UBR2: variants seen among roughly 807,000 people sequenced by gnomAD.
UBR2 encodes ubiquitin protein ligase E3 component n-recognin 2, also known as E3 ubiquitin-protein ligase UBR2.
Under a neutral mutation model 247.9 loss-of-function variants are expected in UBR2, and 92 were observed. The ratio of observed to expected loss-of-function variants is 0.37; its 90% CI spans 0.31 to 0.44. The LOEUF is 0.44. UBR2 is among the 20% of genes least tolerant of loss of function. UBR2 has a pLI of 1.00. For synonymous variants in UBR2, 672 were observed against 693.5 expected (o/e 0.97, Z 0.49); for missense variants, 1,613 against 2,112.6 (o/e 0.76, Z 4.64).
chr6:42,680,754 T>C (rs892603362), intron 42 of UBR2, among the ~76,000 whole-genome samples: 4 of 152,160 alleles, frequency 2.6e-5, no homozygotes, highest in African/African-American at 9.7e-5. Context: ...ATTTGCAAAC[T>C]ACATATCTGA....
chr6:42,640,383 G>GGGGTGTGT (rs1327619830), intron 16 of UBR2, 113 bp downstream of exon 16: 7 of 174,376 alleles, frequency 4.0e-5, no homozygotes, highest in African/African-American at 1.8e-4. Flanking sequence ...GAACCAGTAA[G>GGGGTGTGT]GTGTGTGTGT....
In UBR2 at chr6:42,691,626, A is replaced by G. The variant is rs1324489107; in HGVS notation, c.*453A>G. ...CTGGGTTGGTGTCCCCTCTGCTGACAGGACCCTACTCCTAGGAGCAAAGTG... is the reference window on the plus strand; with the variant it reads ...CTGGGTTGGTGTCCCCTCTGCTGACGGGACCCTACTCCTAGGAGCAAAGTG... On this transcript the variant is annotated 3_prime_UTR_variant, in exon 47 of 47. Coordinates refer to ENST00000372901, the MANE Select transcript of UBR2 (RefSeq NM_001363705.2). 1 of 204,358 alleles carries G rather than the reference A, an allele frequency of 4.9e-6. No individual in the cohort carries two copies. The highest frequency in any genetic ancestry group is 2.4e-5 in the African/African-American group (1 of 41,756). 12.7% of individuals were successfully genotyped at this position (204,358 alleles called of 1,614,324 possible).
chr6:42,602,227 G>A (rs2151926363), intron 4 of UBR2, among the ~76,000 whole-genome samples: 1 of 147,950 alleles, frequency 6.8e-6, no homozygotes, highest in South Asian at 2.1e-4. Context: ...TTGAGACAGA[G>A]TCTCGCTCTG....
intron 11 of UBR2, among the ~76,000 whole-genome samples, chr6:42,620,900 G>A (rs985081219): frequency 2.0e-5 from 3 of 152,126 alleles, no homozygotes; most frequent in Non-Finnish European, 2.9e-5. Context: ...TGCCTCCCGG[G>A]TTCAAGCGAT....
In UBR2 at chr6:42,654,748, A is replaced by G. The variant is rs1344594678; in HGVS notation, c.2770-873A>G. 2.0e-5 allele frequency among the ~76,000 whole-genome samples: 3 copies of G among 152,186 alleles called. 1 individual carries two copies. The highest frequency in any genetic ancestry group is 1.3e-4 in the Admixed American group (2 of 15,278). On this transcript the variant is annotated intron_variant, in intron 25 of 46. Transcript: ENST00000372901. ...AAAAACAAAAAAACTTGGGCATGGG[A>G]TAAGAGCAGTAAAAAAACAAATAGG...
chr6:42,688,275 C>T lies in UBR2; in HGVS notation c.4913C>T (p.Ser1638Phe), dbSNP rs1799557672. 1 of 1,613,980 alleles carries T rather than the reference C, an allele frequency of 6.2e-7. No homozygotes were observed. Among genetic ancestry groups the T allele is most frequent in the Non-Finnish European group, 8.5e-7 (1 of 1,180,034 alleles). ...RAPTLCLVCG[S>F]LLCSQSYCCQ... is the part of the protein sequence containing the mutation. ...CCAACTCTGTGCCTTGTGTGCGGAT[C>T]TCTGCTGTGCTCCCAGAGTTACTGC... The change falls in exon 45 of 47, where the codon TCT becomes TTT. Residue 1638 changes from serine to phenylalanine, a missense_variant. Physicochemically the swap from Ser to Phe is radical, Grantham distance 155. This residue lies in a region of UBR2 where 9 missense variants were observed against 36.8 expected (regional missense o/e 0.24). Coordinates refer to ENST00000372901, the MANE Select transcript of UBR2 (RefSeq NM_001363705.2).
chr6:42,651,936 C>A (rs1294957883), intron 23 of UBR2, 87 bp from the exon 24 acceptor site: 5 of 1,320,416 alleles, frequency 3.8e-6, no homozygotes, highest in Non-Finnish European at 5.2e-6. Context: ...ATAGTGAAAC[C>A]CCACCTCTAC....
intron 3 of UBR2, among the ~76,000 whole-genome samples, chr6:42,592,691 G>A (rs550983149): frequency 1.3e-5 from 2 of 152,284 alleles, no homozygotes; most frequent in East Asian, 1.9e-4. Context: ...TCCTCTATTG[G>A]AAATTGAAGA....
chr6:42,624,643 G>A (rs1376142743), intron 11 of UBR2, among the ~76,000 whole-genome samples: 1 of 152,048 alleles, frequency 6.6e-6, no homozygotes, highest in Non-Finnish European at 1.5e-5. Flanking sequence ...GTATAATTTG[G>A]TGAGCAGAAA....
intron 11 of UBR2, among the ~76,000 whole-genome samples, chr6:42,625,876 C>T (rs1795312053): frequency 2.0e-5 from 3 of 147,428 alleles, no homozygotes; most frequent in East Asian, 2.0e-4. Context: ...TGCAGTGGTG[C>T]GATCTCGGCT....
rs186545769 is a variant in UBR2, at chr6:42,633,775, G to A, written c.1545+871G>A. ...ACATAGTTTTTCACTCTGTTGCCCA[G>A]GCTGGAGTACAATGGCACAATCCTG... is the stretch of plus-strand genomic sequence containing the variant. On this transcript the variant is annotated intron_variant, in intron 13 of 46. Coordinates refer to ENST00000372901, the MANE Select transcript of UBR2 (RefSeq NM_001363705.2). Among the ~76,000 whole-genome samples, 63 of 152,190 alleles carry A rather than the reference G, an allele frequency of 4.1e-4. 1 individual carries two copies. The highest frequency in any genetic ancestry group is 1.0e-3 in the African/African-American group (43 of 41,536).
chr6:42,640,491 T>C (rs924913359), intron 16 of UBR2, among the ~76,000 whole-genome samples: 23 of 150,914 alleles, frequency 1.5e-4, no homozygotes, highest in Admixed American at 4.0e-4. Flanking sequence ...AACTGGCTCA[T>C]GAAATTGTGG....
At chr6:42,634,233 TAA>T in intron 13 of UBR2, 1 of 410,702 alleles carries the variant, frequency 2.4e-6, no homozygotes, top group Admixed American at 3.3e-5. Flanking sequence ...TTCCCCTGTT[TAA>T]TTCTCTTTTT....
At chr6:42,688,518 G>A (rs1179228778) in intron 45 of UBR2, 132 bp downstream of exon 45, 7 of 1,052,296 alleles carry the variant, frequency 6.7e-6, no homozygotes, top group African/African-American at 6.4e-5. Context: ...GAAACGTGGA[G>A]CTCCTTGTCG....
At chr6:42,666,391 G>A in intron 34 of UBR2, 146 bp downstream of exon 34, 3 of 614,716 alleles carry the variant, frequency 4.9e-6, no homozygotes, top group Non-Finnish European at 5.4e-6. Context: ...AGCAGAGGCT[G>A]AGACAGGAGG....
chr6:42,674,759 CA>C (rs571959083), intron 38 of UBR2, among the ~76,000 whole-genome samples: 373 of 129,350 alleles, frequency 2.9e-3, no homozygotes, highest in African/African-American at 6.6e-3. Context: ...AGACCCCATC[CA>C]AAAAAAAAAA....
Position 42,666,175 on chromosome 6 carries a change from T to G in UBR2, c.3811T>G (p.Ser1271Ala), listed in dbSNP as rs1017332256. Reference protein sequence around the residue: ...RKEESTPNNASTKNSENVDEL... With the variant: ...RKEESTPNNAATKNSENVDEL... ...AATGCCTGTTTCTATAGATAATGCC[T>G]CTACAAAGAATTCAGAAAATGTGGA... is the stretch of plus-strand genomic sequence containing the variant. The change falls in exon 34 of 47, where the codon TCT becomes GCT. Residue 1271 changes from serine to alanine, a missense_variant. Physicochemically the swap from Ser to Ala is moderately conservative, Grantham distance 99 (BLOSUM62 1). Around this residue, in one of 3 missense-constraint regions of UBR2, gnomAD observed 1,524 missense variants for 1,967.3 expected, o/e 0.77. Coordinates refer to ENST00000372901, the MANE Select transcript of UBR2 (RefSeq NM_001363705.2). The G allele has an allele frequency of 6.2e-7, 1 of 1,612,354 alleles. No homozygotes were observed. Among genetic ancestry groups the G allele is most frequent in the Admixed American group, 1.7e-5 (1 of 59,842 alleles).
At chr6:42,628,103 G>A (rs1159969841) in intron 11 of UBR2, among the ~76,000 whole-genome samples, 1 of 152,060 alleles carries the variant, frequency 6.6e-6, no homozygotes, top group East Asian at 1.9e-4. Flanking sequence ...TCACCTCCTT[G>A]TGCAGTTCCC....
At chr6:42,601,733 T>C (rs537817278) in intron 4 of UBR2, among the ~76,000 whole-genome samples, 12 of 151,306 alleles carry the variant, frequency 7.9e-5, no homozygotes, top group Admixed American at 7.9e-4. Context: ...AAGCAGCCTG[T>C]ATGAGAAGAG....
Sources: gnomAD v4.1 joint callset for allele counts (sites outside exome capture counted in the v4.1 genomes callset) on GRCh38, gnomAD v4.1.1 for gene constraint, gnomAD v4.1.1 regional missense constraint, MANE v1.5 for transcripts, NCBI Gene and HGNC (gene_info 2026-07-23, HGNC 2026-07-21) for gene names.